The following ARHGEF4 variants were observed in gnomAD, a reference collection of about 807,000 sequenced individuals.
ARHGEF4 encodes the protein APC-stimulated guanine nucleotide exchange factor 1.
In ARHGEF4, 119 loss-of-function variants were observed where a neutral mutation model predicts 162.0. The ratio of observed to expected loss-of-function variants is 0.73; its 90% CI spans 0.63 to 0.86. The LOEUF is 0.86. Among genes scored for constraint, ARHGEF4 ranks in the 40% least tolerant of loss-of-function variants. The pLI is 0.00. For missense variants in ARHGEF4, 2,488 were observed against 2,456.0 expected (o/e 1.01, Z -0.28); for synonymous variants, 1,014 against 979.9 (o/e 1.03, Z -0.65).
chr2:130,868,009 T>C (rs1282851558), intron 1 of ARHGEF4, among the ~76,000 whole-genome samples: 1 of 144,074 alleles, frequency 6.9e-6, no homozygotes, highest in Non-Finnish European at 1.5e-5. Context: ...CACTGCAAGC[T>C]CCGCCTCCCA....
chr2:130,902,086 C>CG (rs1468390093), intron 1 of ARHGEF4, among the ~76,000 whole-genome samples: 1 of 152,142 alleles, frequency 6.6e-6, no homozygotes, highest in African/African-American at 2.4e-5. Context: ...TGGTCTCATG[C>CG]GGCCTGGTGT....
rs1682398933 is a variant in ARHGEF4, at chr2:130,867,880, T to C, written c.39+30888T>C. 1.3e-5 allele frequency among the ~76,000 whole-genome samples: 2 copies of C among 152,014 alleles called. 1 individual carries two copies. The highest frequency in any genetic ancestry group is 4.1e-4 in the South Asian group (2 of 4,820). On this transcript the variant is annotated intron_variant, in intron 1 of 13. Transcript: ENST00000409359. ...GCCGCCCCCTGCGCCATGTTTTGGC[T>C]TCAACGCTGCGTGTGGTGGGAGCAA...
chr2:131,037,346 C>G (rs1007755230), intron 5 of ARHGEF4, among the ~76,000 whole-genome samples: 3 of 152,246 alleles, frequency 2.0e-5, no homozygotes, highest in African/African-American at 7.2e-5. Context: ...GTGGCCAGCC[C>G]CAGCCCTCAC....
intron 10 of ARHGEF4, 145 bp from the exon 11 acceptor site, chr2:131,043,307 T>A (rs1031750577): frequency 1.8e-6 from 2 of 1,090,966 alleles, no homozygotes; most frequent in East Asian, 5.1e-5. Context: ...GTGCCACCTC[T>A]TCCTCCCCCT....
chr2:130,850,927 A>G (rs1223935765), intron 1 of ARHGEF4, among the ~76,000 whole-genome samples: 1 of 152,228 alleles, frequency 6.6e-6, no homozygotes, highest in Non-Finnish European at 1.5e-5. Context: ...TGTCCCATGC[A>G]GGCCTGAGGG....
intron 1 of ARHGEF4, among the ~76,000 whole-genome samples, chr2:130,838,530 C>T (rs541756090): frequency 8.7e-4 from 133 of 152,084 alleles, no homozygotes; most frequent in Non-Finnish European, 1.5e-3. Context: ...TGCTTGAACC[C>T]GGGAGACAGA....
chr2:131,015,232 T>C (rs866115876), intron 4 of ARHGEF4, among the ~76,000 whole-genome samples: 3 of 152,240 alleles, frequency 2.0e-5, no homozygotes. Context: ...CACTTGGGAC[T>C]GTAGATGGCT....
chr2:130,907,912 A>T (rs911252072), intron 1 of ARHGEF4, among the ~76,000 whole-genome samples: 1 of 151,102 alleles, frequency 6.6e-6, no homozygotes, highest in Non-Finnish European at 1.5e-5. Flanking sequence ...AGCCGAGATC[A>T]CACCACTGCA....
intron 4 of ARHGEF4, among the ~76,000 whole-genome samples, chr2:130,980,644 C>T (rs987012301): frequency 1.3e-5 from 2 of 152,294 alleles, no homozygotes; most frequent in African/African-American, 4.8e-5. Context: ...ACAGTACTGA[C>T]GACTGGTTAG....
chr2:131,031,448 G>A (rs1201843215), intron 5 of ARHGEF4, among the ~76,000 whole-genome samples: 1 of 152,234 alleles, frequency 6.6e-6, no homozygotes, highest in Non-Finnish European at 1.5e-5. Flanking sequence ...AACGTGTGTA[G>A]TGAGTACTTG....
chr2:131,041,810 C>A lies in ARHGEF4; in HGVS notation c.4896-5C>A, dbSNP rs780598385. ...CAGCAGCCTTCCATCTCTGTTCTGC[C>A]CCAGGGACTTCAAGGATGTTGAAGC... On this transcript the variant is annotated splice_region_variant and splice_polypyrimidine_tract_variant and intron_variant, in intron 9 of 13. Transcript: ENST00000409359. 4.3e-6 allele frequency: 7 copies of A among 1,612,662 alleles called. No individual in the cohort carries two copies. The highest frequency in any genetic ancestry group is 5.9e-6 in the Non-Finnish European group (7 of 1,179,860).
intron 1 of ARHGEF4, among the ~76,000 whole-genome samples, chr2:130,880,149 C>T (rs1443522057): frequency 6.6e-6 from 1 of 152,178 alleles, no homozygotes; most frequent in Non-Finnish European, 1.5e-5. Context: ...ACTGATTTGC[C>T]CAGGGTCACA....
At chr2:130,837,789 G>A (rs1465920604) in intron 1 of ARHGEF4, 2 of 289,666 alleles carry the variant, frequency 6.9e-6, no homozygotes, top group Non-Finnish European at 1.4e-5. Flanking sequence ...GAAAGGAGAG[G>A]CGGGGAAGAG....
intron 4 of ARHGEF4, among the ~76,000 whole-genome samples, chr2:130,988,095 T>C (rs1686640843): frequency 6.6e-6 from 1 of 152,206 alleles, no homozygotes; most frequent in African/African-American, 2.4e-5. Flanking sequence ...ACACAGACAG[T>C]AAAATGCTCA....
intron 1 of ARHGEF4, among the ~76,000 whole-genome samples, chr2:130,840,285 C>G (rs541788075): frequency 6.6e-6 from 1 of 152,202 alleles, no homozygotes; most frequent in Non-Finnish European, 1.5e-5. Context: ...AGGATTGTGA[C>G]AGCTTCAGTC....
intron 3 of ARHGEF4, among the ~76,000 whole-genome samples, chr2:130,935,759 T>C (rs1682906040): frequency 6.6e-6 from 1 of 152,182 alleles, no homozygotes; most frequent in South Asian, 2.1e-4. Flanking sequence ...AGATACTTCA[T>C]ATGAATTCAG....
intron 1 of ARHGEF4, among the ~76,000 whole-genome samples, chr2:130,913,028 G>A (rs528646323): frequency 2.0e-5 from 3 of 152,268 alleles, no homozygotes; most frequent in African/African-American, 7.2e-5. Context: ...AGGTATGCAT[G>A]TATAGGAAGA....
At chr2:131,016,520 T>C (rs1414445636) in intron 4 of ARHGEF4, among the ~76,000 whole-genome samples, 4 of 152,274 alleles carry the variant, frequency 2.6e-5, no homozygotes, top group Non-Finnish European at 5.9e-5. Context: ...TGCCAGACTC[T>C]TTAGAGAAGT....
rs891711223 is a variant in ARHGEF4, at chr2:130,913,066, G to C, written c.40-920G>C. 1.3e-4 allele frequency among the ~76,000 whole-genome samples: 20 copies of C among 152,262 alleles called. 1 individual carries two copies. The South Asian group carries it at 2.1e-3, about 16-fold the overall frequency. Reference sequence around the variant, plus strand: ...CAATATATATAGGGTTCGGTACTGGGGGGGAGTGGTTCAGGCATCGGCTGG... The same window carrying C: ...CAATATATATAGGGTTCGGTACTGGCGGGGAGTGGTTCAGGCATCGGCTGG... On this transcript the variant is annotated intron_variant, in intron 1 of 13. Transcript: ENST00000409359.
Sources: gnomAD v4.1 joint callset for allele counts (sites outside exome capture counted in the v4.1 genomes callset) on GRCh38, gnomAD v4.1.1 for gene constraint, MANE v1.5 for transcripts, NCBI Gene and HGNC (gene_info 2026-07-23, HGNC 2026-07-21) for gene names.